CALN1: variants seen among roughly 807,000 people sequenced by gnomAD.
The protein encoded by CALN1 is calcium-binding protein 8.
A neutral mutation model predicts 30.6 loss-of-function variants in CALN1; 17 were observed. That is an observed-to-expected ratio of 0.56 (90% CI 0.38 to 0.83). CALN1 has a LOEUF of 0.83. Ranked by LOEUF, CALN1 falls within the 40% of genes least tolerant of loss-of-function variation. The pLI is 0.00. For missense variants in CALN1, 291 were observed against 354.9 expected, an observed-to-expected ratio of 0.82 and a Z score of 1.45; for synonymous variants, 156 against 131.4, an observed-to-expected ratio of 1.19 and a Z score of -1.28.
At chr7:71,886,773 C>CAA (rs1314583586) in intron 5 of CALN1, among the ~76,000 whole-genome samples, 104 of 98,304 alleles carry the variant, frequency 1.1e-3, no homozygotes, top group East Asian at 5.3e-3. Flanking sequence ...GACTCCATCT[C>CAA]AAAAAAAAAA....
chr7:71,989,388 G>A (rs1260742623), intron 5 of CALN1, among the ~76,000 whole-genome samples: 2 of 151,154 alleles, frequency 1.3e-5, no homozygotes, highest in African/African-American at 4.9e-5. Flanking sequence ...GCAGTGAGCA[G>A]AGGTCGCATC....
chr7:72,157,775 C>T (rs1398972075), intron 3 of CALN1, among the ~76,000 whole-genome samples: 2 of 152,130 alleles, frequency 1.3e-5, no homozygotes, highest in Admixed American at 6.6e-5. Context: ...AAGAGTTTTG[C>T]TCTTGTTGCC....
intron 3 of CALN1, among the ~76,000 whole-genome samples, chr7:72,188,881 G>A (rs1005133703): frequency 3.9e-5 from 6 of 151,954 alleles, no homozygotes; most frequent in African/African-American, 7.3e-5. Flanking sequence ...GCAAGGCCAG[G>A]TACCCGAGAG....
At chr7:72,405,603 C>T (rs1345873177) in intron 1 of CALN1, among the ~76,000 whole-genome samples, 1 of 152,168 alleles carries the variant, frequency 6.6e-6, no homozygotes, top group Non-Finnish European at 1.5e-5. Context: ...TATTCACACA[C>T]ACTACAACGC....
At chr7:72,374,843 G>T (rs548896691) in intron 2 of CALN1, among the ~76,000 whole-genome samples, 1 of 152,100 alleles carries the variant, frequency 6.6e-6, no homozygotes, top group Non-Finnish European at 1.5e-5. Flanking sequence ...TTGCTCAAAT[G>T]AAAACCTGTA....
intron 3 of CALN1, among the ~76,000 whole-genome samples, chr7:72,205,557 T>TATATACATATATACAC (rs1791788338): frequency 9.1e-6 from 1 of 109,944 alleles, no homozygotes; most frequent in African/African-American, 4.3e-5. Flanking sequence ...AAAAAATATA[T>TATATACATATATACAC]ATATATATAT....
chr7:72,077,760 T>C lies in CALN1; in HGVS notation c.388+28391A>G, dbSNP rs146901802. 5.6e-3 allele frequency among the ~76,000 whole-genome samples: 855 copies of C among 152,296 alleles called. 6 individuals carry two copies. The highest frequency in any genetic ancestry group is 9.5e-3 in the Non-Finnish European group (645 of 68,016). ...GAAATAAGACCACACCCATTGTGCT[T>C]GCATTTGATCATCGTGCTCCCAGGG... On this transcript the variant is annotated intron_variant, in intron 4 of 6. Transcript: ENST00000395275.
intron 2 of CALN1, among the ~76,000 whole-genome samples, chr7:72,323,626 G>A (rs1801053454): frequency 6.8e-6 from 1 of 147,528 alleles, no homozygotes; most frequent in Non-Finnish European, 1.5e-5. Flanking sequence ...TCACGCCACA[G>A]CACTCCAGCC....
At chr7:72,494,005 C>G in the CALN1 span, among the ~76,000 whole-genome samples, 1 of 152,126 alleles carries the variant, frequency 6.6e-6, no homozygotes, top group Non-Finnish European at 1.5e-5. Context: ...GCCTGGGCAA[C>G]ATAGAGAGAC....
intron 4 of CALN1, among the ~76,000 whole-genome samples, chr7:72,060,712 T>C (rs977127683): frequency 3.3e-5 from 5 of 152,090 alleles, no homozygotes; most frequent in Admixed American, 2.0e-4. Context: ...CCCACCGTGA[T>C]GCATGGTAGT....
chr7:72,452,599 C>T, the CALN1 span, among the ~76,000 whole-genome samples: 1 of 152,242 alleles, frequency 6.6e-6, no homozygotes, highest in African/African-American at 2.4e-5. Flanking sequence ...TGTCATGTTT[C>T]TTGTACAGTC....
chr7:72,045,996 C>CAAAAAAAAA (rs34011098), intron 4 of CALN1, among the ~76,000 whole-genome samples: 1 of 90,756 alleles, frequency 1.1e-5, no homozygotes. Context: ...GACTCCCTCT[C>CAAAAAAAAA]AAAAAAAAAA....
At chr7:72,416,646 A>T (rs1807428208), upstream of CALN1, among the ~76,000 whole-genome samples, 1 of 148,536 alleles carries the variant, frequency 6.7e-6, no homozygotes, top group Non-Finnish European at 1.5e-5. Context: ...GAGGCAAGAG[A>T]ATCACTTGAA....
intron 2 of CALN1, among the ~76,000 whole-genome samples, chr7:72,344,293 A>AT (rs1430861541): frequency 6.6e-6 from 1 of 152,086 alleles, no homozygotes; most frequent in African/African-American, 2.4e-5. Flanking sequence ...GCAGTCATAA[A>AT]TTTTTGTTTT....
At chr7:72,163,410 A>C (rs1393805467) in intron 3 of CALN1, among the ~76,000 whole-genome samples, 1 of 148,408 alleles carries the variant, frequency 6.7e-6, no homozygotes, top group East Asian at 2.0e-4. Context: ...AAAAAAAAAA[A>C]CAGAAAAACA....
In CALN1 at chr7:72,069,343, T is replaced by C. The variant is rs141725392; in HGVS notation, c.388+36808A>G. Among the ~76,000 whole-genome samples the C allele has an allele frequency of 2.4e-3, 373 of 152,252 alleles. 1 individual carries two copies. The highest frequency in any genetic ancestry group is 0.02 in the Middle Eastern group (6 of 294). On this transcript the variant is annotated intron_variant, in intron 4 of 6. Transcript: ENST00000395275. Reference sequence around the variant, plus strand: ...TTCCTGAGGCAGTTGTAGCCAAGTATCACCCACCTGGTGGCTTTAAAAAAA... The same window carrying C: ...TTCCTGAGGCAGTTGTAGCCAAGTACCACCCACCTGGTGGCTTTAAAAAAA...
chr7:72,250,313 T>C (rs1261668204), intron 3 of CALN1, among the ~76,000 whole-genome samples: 1 of 152,200 alleles, frequency 6.6e-6, no homozygotes, highest in African/African-American at 2.4e-5. Flanking sequence ...CCTTGCTAGC[T>C]GTGTGACCTT....
At chr7:72,336,174 A>G (rs939980840) in intron 2 of CALN1, among the ~76,000 whole-genome samples, 1 of 152,134 alleles carries the variant, frequency 6.6e-6, no homozygotes, top group East Asian at 1.9e-4. Flanking sequence ...AGTCAGCGCT[A>G]GGGGCCGGAG....
chr7:72,372,118 G>A (rs528739401), intron 2 of CALN1, among the ~76,000 whole-genome samples: 73 of 152,262 alleles, frequency 4.8e-4, no homozygotes, highest in Admixed American at 9.2e-4. Flanking sequence ...AGGATACATG[G>A]TTTCCTAATA....
Sources: allele counts gnomAD v4.1 joint callset (sites outside exome capture counted in the v4.1 genomes callset), GRCh38; gene constraint gnomAD v4.1.1; transcripts MANE v1.5; gene names NCBI Gene and HGNC (gene_info 2026-07-23, HGNC 2026-07-21).